The following PRDM16 variants were observed in gnomAD, a reference collection of about 807,000 sequenced individuals.
PRDM16 encodes histone-lysine N-methyltransferase PRDM16.
Under a neutral mutation model 110.6 loss-of-function variants are expected in PRDM16, and 23 were observed. The observed-to-expected ratio is 0.21, with a 90% CI of 0.15 to 0.29. PRDM16 has a LOEUF of 0.29. Among genes scored for constraint, PRDM16 ranks in the 10% least tolerant of loss-of-function variants. The pLI, the probability that PRDM16 is intolerant of heterozygous loss-of-function variation, is 1.00. For synonymous variants in PRDM16, 799 were observed against 781.8 expected, an observed-to-expected ratio of 1.02 and a Z score of -0.37; for missense variants, 1,615 against 1,794.3, an observed-to-expected ratio of 0.90 and a Z score of 1.81.
intron 3 of PRDM16, among the ~76,000 whole-genome samples, chr1:3,357,559 C>T (rs1026194760): frequency 7.2e-6 from 1 of 139,230 alleles, no homozygotes; most frequent in Non-Finnish European, 1.5e-5. Flanking sequence ...AAGCGCCGTT[C>T]CCCCCACGGG....
Position 3,402,776 on chromosome 1 carries a change from TTC to T in PRDM16, c.677-7_677-6del. 1 of 1,603,868 alleles carries T rather than the reference TTC, an allele frequency of 6.2e-7. No individual in the cohort carries two copies. Among genetic ancestry groups the T allele is most frequent in the Non-Finnish European group, 8.5e-7 (1 of 1,172,438 alleles). ...CTCCAGCTCACTCACCACCACCTCG[TTC>T]TCTCTCTTGCAGAGGAGCCCACGTT... On this transcript the variant is annotated splice_polypyrimidine_tract_variant and intron_variant, in intron 5 of 16. Transcript: ENST00000270722.
chr1:3,115,509 A>G (rs1288294013), intron 1 of PRDM16, among the ~76,000 whole-genome samples: 1 of 152,224 alleles, frequency 6.6e-6, no homozygotes, highest in Non-Finnish European at 1.5e-5. Context: ...CAGGCAGTGG[A>G]GCGCCAGCCT....
rs77440005 is a variant in PRDM16 at position 3,181,019 on chromosome 1, T to TGCGGTCTTACAC, written c.38-5093_38-5082dup. Among the ~76,000 whole-genome samples, 75 of 113,168 alleles carry TGCGGTCTTACAC rather than the reference T, an allele frequency of 6.6e-4. 1 individual carries two copies. The highest frequency in any genetic ancestry group is 2.4e-3 in the African/African-American group (70 of 29,738). The allele number at this position is 113,168 out of a possible 152,430, so 74.2% of individuals were successfully genotyped here. A position where few individuals can be genotyped will look rare whatever the true frequency, so the allele number is the denominator to read the frequency against. ...ACGATCTTACACGCGGTCTTACAAATGCGGTCTTACACGCGGTCTTACACA... is the reference window on the plus strand; with the variant it reads ...ACGATCTTACACGCGGTCTTACAAATGCGGTCTTACACGCGGTCTTACACGCGGTCTTACACA... On this transcript the variant is annotated intron_variant, in intron 1 of 16. Transcript: ENST00000270722.
At chr1:3,239,921 C>T (rs1639621697) in intron 2 of PRDM16, among the ~76,000 whole-genome samples, 1 of 150,662 alleles carries the variant, frequency 6.6e-6, no homozygotes, top group African/African-American at 2.4e-5. Flanking sequence ...GCACTCTAGC[C>T]TGGAGGCTGG....
chr1:3,411,715 G>A lies in PRDM16; in HGVS notation c.1518G>A (p.Thr506=), dbSNP rs368589754. 1,518 of 1,610,168 alleles carry A rather than the reference G, an allele frequency of 9.4e-4. 17 individuals are homozygous for A. In the African/African-American group the frequency reaches 0.017, roughly 18 times the overall value. Residue 506 remains threonine (T), a synonymous_variant, in exon 9 of 17, where the codon ACG becomes ACA. Transcript: ENST00000270722. ...TGCCCTTCTCCACGGCGCCTCCCAC[G>A]TTCCCCGCACTCACCCCCGGCTTCC... is the stretch of plus-strand genomic sequence containing the variant. ...GSLPFSTAPP[T]FPALTPGFPG... is the part of the protein sequence containing the mutation.
chr1:3,311,536 C>T (rs1267317448), intron 3 of PRDM16, among the ~76,000 whole-genome samples: 1 of 152,178 alleles, frequency 6.6e-6, no homozygotes, highest in Non-Finnish European at 1.5e-5. Flanking sequence ...ATGAAGAATC[C>T]CCACAGGCCC....
In PRDM16 at chr1:3,246,977, G is replaced by A. The variant is rs1028764745; in HGVS notation, c.438+2840G>A. 4.6e-5 allele frequency among the ~76,000 whole-genome samples: 7 copies of A among 152,166 alleles called. No homozygotes were observed. The highest frequency in any genetic ancestry group is 1.7e-4 in the African/African-American group (7 of 41,438). On this transcript the variant is annotated intron_variant, in intron 3 of 16. Coordinates refer to ENST00000270722, the MANE Select transcript of PRDM16 (RefSeq NM_022114.4). This position sits in a 1 kb window ranked among gnomAD's most constrained non-coding sequence, Gnocchi z 5.2. Reference sequence around the variant, plus strand: ...TGCGCCACTTAGAGCTGTTGGTATAGGTGCGATGTGTGGATTGCTGCCGTA... The same window carrying A: ...TGCGCCACTTAGAGCTGTTGGTATAAGTGCGATGTGTGGATTGCTGCCGTA...
intron 3 of PRDM16, among the ~76,000 whole-genome samples, chr1:3,349,434 G>A (rs975862456): frequency 3.3e-5 from 5 of 152,182 alleles, no homozygotes; most frequent in East Asian, 1.9e-4. Context: ...TGGCCATGGC[G>A]GGAAGCAGGG....
At chr1:3,301,923 G>C (rs1237132988) in intron 3 of PRDM16, among the ~76,000 whole-genome samples, 2 of 152,330 alleles carry the variant, frequency 1.3e-5, no homozygotes, top group East Asian at 3.9e-4. Context: ...TCTGGCGCGT[G>C]TTGGTCACCG....
chr1:3,389,954 C>A lies in PRDM16; in HGVS notation c.573+4668C>A, dbSNP rs576349840. ...ATGCACTTTTCTGGGGGTGCGCCCC[C>A]CCCCCCCCCCCACCCTCTGGCTCCT... On this transcript the variant is annotated intron_variant, in intron 4 of 16. Coordinates refer to ENST00000270722, the MANE Select transcript of PRDM16 (RefSeq NM_022114.4). 8.4e-3 allele frequency among the ~76,000 whole-genome samples: 1,047 copies of A among 124,138 alleles called. 16 individuals carry two copies. Among genetic ancestry groups the A allele is most frequent in the African/African-American group, 0.029 (991 of 34,696 alleles). The allele number at this position is 124,138 out of a possible 152,430, so 81.4% of individuals were successfully genotyped here.
chr1:3,405,589 C>G lies in PRDM16; in HGVS notation c.1127C>G (p.Ala376Gly). 1 of 1,611,552 alleles carries G rather than the reference C, an allele frequency of 6.2e-7. No homozygotes were observed. Among genetic ancestry groups the G allele is most frequent in the Non-Finnish European group, 8.5e-7 (1 of 1,179,214 alleles). The change falls in exon 8 of 17, where the codon GCC becomes GGC. Residue 376 changes from alanine to glycine, a missense_variant. This residue lies in a region of PRDM16 where 82 missense variants were observed against 144.4 expected (regional missense o/e 0.57). Coordinates refer to ENST00000270722, the MANE Select transcript of PRDM16 (RefSeq NM_022114.4). ...HACPDCGKTF[A>G]TSSGLKQHKH... The stretch of plus-strand genomic sequence containing the variant: ...TGCCCCGACTGCGGGAAGACCTTCG[C>G]CACGTCCTCCGGCCTCAAGCAGCAC...
intron 3 of PRDM16, among the ~76,000 whole-genome samples, chr1:3,264,327 C>G (rs1640236040): frequency 1.3e-5 from 2 of 151,646 alleles, no homozygotes; most frequent in African/African-American, 4.9e-5. Context: ...GGACCCCGGG[C>G]CAGAAGGGAG....
At position 3,404,828 on chromosome 1, in the gene PRDM16, T is replaced by C; in HGVS notation, c.974T>C (p.Ile325Thr). 1 of 1,613,472 alleles carries C rather than the reference T, an allele frequency of 6.2e-7. No homozygotes were observed. ...PKAFNWKSNL[I>T]RHQMSHDSGK... is the part of the protein sequence containing the mutation. The stretch of plus-strand genomic sequence containing the variant: ...GCCTTCAACTGGAAGTCCAACCTCA[T>C]CCGCCACCAGATGTCCCACGACAGC... Residue 325 changes from isoleucine to threonine, a missense_variant, in exon 7 of 17, where the codon ATC becomes ACC. Physicochemically the swap from Ile to Thr is moderately conservative, Grantham distance 89 (BLOSUM62 -1). Coordinates refer to ENST00000270722, the MANE Select transcript of PRDM16 (RefSeq NM_022114.4).
chr1:3,295,544 C>G (rs924601892), intron 3 of PRDM16, among the ~76,000 whole-genome samples: 1 of 152,062 alleles, frequency 6.6e-6, no homozygotes, highest in Non-Finnish European at 1.5e-5. Context: ...TGCACATGTG[C>G]GGGGTGAACA....
chr1:3,403,584 A>C (rs1643510614), intron 6 of PRDM16, among the ~76,000 whole-genome samples: 1 of 152,214 alleles, frequency 6.6e-6, no homozygotes, highest in Non-Finnish European at 1.5e-5. Context: ...CTTCAGAGAC[A>C]TGAGCGGGCC....
chr1:3,310,368 C>T (rs1408664927), intron 3 of PRDM16, among the ~76,000 whole-genome samples: 1 of 152,200 alleles, frequency 6.6e-6, no homozygotes, highest in Non-Finnish European at 1.5e-5. Context: ...CGGTCACCGC[C>T]CCTGAAGCGC....
chr1:3,108,577 C>T (rs1037304986), intron 1 of PRDM16, among the ~76,000 whole-genome samples: 2 of 152,174 alleles, frequency 1.3e-5, no homozygotes, highest in Non-Finnish European at 2.9e-5. Context: ...TTGGAGTAAT[C>T]GCCATATGCT....
intron 4 of PRDM16, among the ~76,000 whole-genome samples, chr1:3,388,276 C>A (rs985852858): frequency 3.3e-5 from 5 of 152,144 alleles, no homozygotes; most frequent in African/African-American, 1.2e-4. Context: ...TCCCCTCTCT[C>A]TCTCCCTCTC....
chr1:3,101,716 G>A (rs1446769389), intron 1 of PRDM16, among the ~76,000 whole-genome samples: 1 of 152,234 alleles, frequency 6.6e-6, no homozygotes, highest in Non-Finnish European at 1.5e-5. Flanking sequence ...CCAGCCAGGG[G>A]TGGGGAAAAA....
Sources: allele counts gnomAD v4.1 joint callset (sites outside exome capture counted in the v4.1 genomes callset), GRCh38; gene constraint gnomAD v4.1.1; regional missense constraint gnomAD v4.1.1; non-coding constraint Gnocchi (gnomAD v3.1); transcripts MANE v1.5; gene names NCBI Gene and HGNC (gene_info 2026-07-23, HGNC 2026-07-21).